CC2D2A: variants seen among roughly 807,000 people sequenced by gnomAD.
The protein encoded by CC2D2A is coiled-coil and C2 domain containing 2A, also known as coiled-coil and C2 domain-containing protein 2A.
CC2D2A carries 155 observed loss-of-function variants against 212.9 expected under a neutral mutation model. The observed-to-expected ratio is 0.73, with a 90% confidence interval of 0.64 to 0.83. CC2D2A has a LOEUF of 0.83. CC2D2A is among the 40% of genes least tolerant of loss of function. The pLI, the probability that CC2D2A is intolerant of heterozygous loss-of-function variation, is 0.00. For synonymous variants in CC2D2A, 667 were observed against 686.5 expected (o/e 0.97, Z 0.44); for missense variants, 1,856 against 1,956.2 (o/e 0.95, Z 0.97).
chr4:15,599,934 A>G (rs1456356126), intron 36 of CC2D2A, among the ~76,000 whole-genome samples: 5 of 152,230 alleles, frequency 3.3e-5, no homozygotes, highest in Non-Finnish European at 5.9e-5. Context: ...ACCTTTTATG[A>G]AATACATTTA....
intron 35 of CC2D2A, among the ~76,000 whole-genome samples, 192 bp downstream of exon 35, chr4:15,597,657 G>A (rs1019857970): frequency 6.6e-6 from 1 of 152,204 alleles, no homozygotes; most frequent in Non-Finnish European, 1.5e-5. Context: ...TCAGCATGCT[G>A]TGGAACCAAC....
rs527598041 is a variant in CC2D2A at position 15,516,211 on chromosome 4, A to T, written c.1017+207A>T. Among the ~76,000 whole-genome samples the T allele has an allele frequency of 2.6e-5, 4 of 152,030 alleles. No individual in the cohort carries two copies. The South Asian group carries it at 8.3e-4, about 32-fold the overall frequency. Reference sequence around the variant, plus strand: ...ATAACTTCTCAACTGCTCAAAACCCATCTTTGCTAGCTAGATCTGGGCTTT... The same window carrying T: ...ATAACTTCTCAACTGCTCAAAACCCTTCTTTGCTAGCTAGATCTGGGCTTT... On this transcript the variant is annotated intron_variant, in intron 10 of 36. Coordinates refer to ENST00000424120, the MANE Select transcript of CC2D2A (RefSeq NM_001378615.1).
intron 4 of CC2D2A, among the ~76,000 whole-genome samples, chr4:15,494,655 C>T (rs1349403197): frequency 6.6e-6 from 1 of 152,176 alleles, no homozygotes; most frequent in Non-Finnish European, 1.5e-5. Context: ...CGTTTTCTTG[C>T]CCTGGGTAAA....
intron 14 of CC2D2A, among the ~76,000 whole-genome samples, chr4:15,534,989 C>T (rs891269896): frequency 2.0e-5 from 3 of 149,134 alleles, no homozygotes; most frequent in Non-Finnish European, 3.0e-5. Context: ...TTTTCTTTAG[C>T]TGTAATTATA....
rs368466056 is a variant in CC2D2A, at chr4:15,550,994, A to G, written c.2338+14A>G. 7.0e-6 allele frequency: 11 copies of G among 1,560,458 alleles called. No homozygotes were observed. The African/African-American group carries it at 1.3e-4, about 19-fold the overall frequency. On this transcript the variant is annotated intron_variant, in intron 18 of 36. Coordinates refer to ENST00000424120, the MANE Select transcript of CC2D2A (RefSeq NM_001378615.1). Reference sequence around the variant, plus strand: ...GAGTTGGAAGTGGTATGGAAAGCTAATATCTTCAATGGTTCACTGTTTCAT... The same window carrying G: ...GAGTTGGAAGTGGTATGGAAAGCTAGTATCTTCAATGGTTCACTGTTTCAT...
intron 30 of CC2D2A, among the ~76,000 whole-genome samples, 186 bp from the exon 31 acceptor site, chr4:15,585,971 A>G (rs1242741436): frequency 1.3e-5 from 2 of 152,252 alleles, no homozygotes; most frequent in Non-Finnish European, 2.9e-5. Flanking sequence ...AGAATGGGTA[A>G]TAACAATAAC....
intron 4 of CC2D2A, among the ~76,000 whole-genome samples, chr4:15,487,244 G>C (rs1715048218): frequency 1.3e-5 from 2 of 152,008 alleles, no homozygotes; most frequent in Non-Finnish European, 2.9e-5. Context: ...GGAGTATTAA[G>C]ATCCTCAACT....
At position 15,502,833 on chromosome 4, in the gene CC2D2A, A is replaced by G. The variant is rs765241815; in HGVS notation, c.348A>G (p.Glu116=). ...GTTTGACTTTTTAGTCCAAAGCAGAAAGTGCATTGCTGCAGGAAATCCCCA... is the reference window on the plus strand; with the variant it reads ...GTTTGACTTTTTAGTCCAAAGCAGAGAGTGCATTGCTGCAGGAAATCCCCA... ...EKLQAARSKA[E]SALLQEIPTP... Residue 116 remains glutamate (E), a synonymous_variant, in exon 6 of 37, where the codon GAA becomes GAG. Transcript: ENST00000424120. The G allele has an allele frequency of 1.2e-6, 2 of 1,610,342 alleles. No individual in the cohort carries two copies. Among genetic ancestry groups the G allele is most frequent in the Admixed American group, 1.7e-5 (1 of 59,570 alleles).
At chr4:15,562,928 G>C (rs1317114488) in intron 23 of CC2D2A, among the ~76,000 whole-genome samples, 1 of 152,242 alleles carries the variant, frequency 6.6e-6, no homozygotes, top group Non-Finnish European at 1.5e-5. Flanking sequence ...TGGAGTAGCT[G>C]AGTCTCTGGG....
Position 15,550,909 on chromosome 4 carries a change from G to A in CC2D2A, c.2267G>A (p.Arg756Lys), listed in dbSNP as rs772804576. Residue 756 changes from arginine (R) to lysine (K), a missense_variant, in exon 18 of 37, where the codon AGG (arginine) becomes AAG (lysine). Arg to Lys is a conservative substitution (Grantham distance 26). This residue lies in a region of CC2D2A where 1,512 missense variants were observed against 1,579.3 expected (regional missense o/e 0.96). Transcript: ENST00000424120. ...PIPETTVVTG[R>K]APTEEVEFSS... is the part of the protein sequence containing the mutation. ...CCTGAGACTACTGTTGTCACTGGAA[G>A]GGCTCCTACTGAAGAAGTGGAGTTT... The A allele has an allele frequency of 1.2e-6, 2 of 1,609,454 alleles. No homozygotes were observed. The highest frequency in any genetic ancestry group is 1.3e-5 in the African/African-American group (1 of 74,898).
At chr4:15,522,885 G>A (rs919838128) in intron 11 of CC2D2A, among the ~76,000 whole-genome samples, 27 of 151,942 alleles carry the variant, frequency 1.8e-4, no homozygotes, top group African/African-American at 6.0e-4. Flanking sequence ...TTGGGAGGCC[G>A]AGGTGGGCAG....
chr4:15,553,796 C>T lies in CC2D2A; in HGVS notation c.2486+491C>T, dbSNP rs747387683. Among the ~76,000 whole-genome samples, 2 of 152,190 alleles carry T rather than the reference C, an allele frequency of 1.3e-5. 1 individual carries two copies. Among genetic ancestry groups the T allele is most frequent in the Non-Finnish European group, 2.9e-5 (2 of 68,038 alleles). ...TGGGCCTCACCCTAGGCCAGCCCCT[C>T]CCTGTGTTTGATGGTTGTCCCTGAA... On this transcript the variant is annotated intron_variant, in intron 19 of 36. Transcript: ENST00000424120.
intron 11 of CC2D2A, among the ~76,000 whole-genome samples, chr4:15,526,773 T>C (rs1266452474): frequency 1.3e-5 from 2 of 152,170 alleles, no homozygotes; most frequent in Non-Finnish European, 2.9e-5. Context: ...TCAAAGTAAA[T>C]ATCTTGAGGA....
chr4:15,501,901 T>C (rs915223709), intron 4 of CC2D2A, among the ~76,000 whole-genome samples: 3 of 152,180 alleles, frequency 2.0e-5, no homozygotes, highest in African/African-American at 4.8e-5. Flanking sequence ...TTCAATAATA[T>C]ACACAAAATG....
chr4:15,571,219 A>C (rs1485397384), intron 28 of CC2D2A, among the ~76,000 whole-genome samples: 2 of 152,240 alleles, frequency 1.3e-5, no homozygotes, highest in African/African-American at 2.4e-5. Context: ...AAGCCCATTC[A>C]ATCAAGTGCT....
intron 4 of CC2D2A, among the ~76,000 whole-genome samples, chr4:15,489,922 C>T (rs751988960): frequency 5.3e-5 from 8 of 152,114 alleles, no homozygotes; most frequent in African/African-American, 1.4e-4. Flanking sequence ...ATTCACATCC[C>T]GACTACTCCA....
At chr4:15,483,679 ATTT>A (rs1407107703) in intron 4 of CC2D2A, among the ~76,000 whole-genome samples, 1 of 152,086 alleles carries the variant, frequency 6.6e-6, no homozygotes, top group East Asian at 1.9e-4. Flanking sequence ...ACACTCTCTT[ATTT>A]ATTCCGGGCT....
At chr4:15,569,628 A>G (rs1720066431) in intron 27 of CC2D2A, among the ~76,000 whole-genome samples, 1 of 152,220 alleles carries the variant, frequency 6.6e-6, no homozygotes, top group African/African-American at 2.4e-5. Flanking sequence ...CGAAAGTAAG[A>G]GGAAGAATGC....
chr4:15,503,086 C>T (rs1716056495), intron 6 of CC2D2A, among the ~76,000 whole-genome samples, 163 bp downstream of exon 6: 1 of 151,984 alleles, frequency 6.6e-6, no homozygotes, highest in Non-Finnish European at 1.5e-5. Flanking sequence ...CGCTTGAGTC[C>T]AAGAGTTCAA....
Sources: allele counts gnomAD v4.1 joint callset (sites outside exome capture counted in the v4.1 genomes callset), GRCh38; gene constraint gnomAD v4.1.1; regional missense constraint gnomAD v4.1.1; transcripts MANE v1.5; gene names NCBI Gene and HGNC (gene_info 2026-07-23, HGNC 2026-07-21).